HEMK1: variants seen among roughly 807,000 people sequenced by gnomAD.
HEMK1 encodes HemK methyltransferase 1, mitochondrial release factors N(5)-glutamine.
Under a neutral mutation model 47.9 loss-of-function variants are expected in HEMK1, and 36 were observed. The observed-to-expected ratio is 0.75, with a 90% CI of 0.58 to 0.99. The LOEUF (loss-of-function observed/expected upper bound fraction) is 0.99, where lower values mean the gene tolerates loss of function less well. Among genes scored for constraint, HEMK1 ranks in the 50% least tolerant of loss-of-function variants. The pLI is 0.00. For missense variants in HEMK1, 383 were observed against 434.5 expected, an observed-to-expected ratio of 0.88 and a Z score of 1.05; for synonymous variants, 153 against 165.4, an observed-to-expected ratio of 0.93 and a Z score of 0.57.
chr3:50,573,301 T>C (rs1701222742), intron 4 of HEMK1, among the ~76,000 whole-genome samples: 1 of 152,212 alleles, frequency 6.6e-6, no homozygotes, highest in South Asian at 2.1e-4. Flanking sequence ...GGGATTGGCA[T>C]GACCTAGGAC....
At chr3:50,579,021 G>A (rs1254413982) in intron 8 of HEMK1, 95 bp downstream of exon 8, 1 of 907,760 alleles carries the variant, frequency 1.1e-6, no homozygotes, top group Non-Finnish European at 1.7e-6. Context: ...GGACAGGGGA[G>A]TTGGTGCTGA....
chr3:50,584,133 C>T lies in HEMK1; in HGVS notation c.*3716C>T, dbSNP rs753847907. On this transcript the variant is annotated 3_prime_UTR_variant, in exon 11 of 11. Transcript: ENST00000232854. ...AAGACTCAAGTGCACCTGATCCCTG[C>T]GCAACAGCCACACCAGGAGAACAGG... The T allele has an allele frequency of 1.6e-4, 24 of 152,308 alleles. No individual in the cohort carries two copies. The highest frequency in any genetic ancestry group is 2.8e-4 in the Non-Finnish European group (19 of 68,030). The allele number at this position is 152,308 out of a possible 1,614,324, so 9.4% of individuals were successfully genotyped here.
chr3:50,577,993 AACAC>A, intron 7 of HEMK1, 118 bp downstream of exon 7: 1 of 889,066 alleles, frequency 1.1e-6, no homozygotes, highest in Non-Finnish European at 1.9e-6. Context: ...AGCCACACAC[AACAC>A]ACACACATAC....
intron 3 of HEMK1, 139 bp downstream of exon 3, chr3:50,571,940 G>A (rs565600524): frequency 3.5e-4 from 447 of 1,281,964 alleles, no homozygotes; most frequent in Non-Finnish European, 4.6e-4. Context: ...CAAGAGTGGG[G>A]CCGGGGTACT....
chr3:50,580,343 GC>G (rs760271263), intron 10 of HEMK1, 37 bp from the exon 11 acceptor site: 55 of 1,613,630 alleles, frequency 3.4e-5, no homozygotes, highest in Non-Finnish European at 4.3e-5. Flanking sequence ...ATTCCCTGAG[GC>G]CCAGGTGGTA....
At position 50,570,955 on chromosome 3, in the gene HEMK1, AC is replaced by A. The variant is rs1310447785; in HGVS notation, c.-148del. ...GGGTGGCAACCAACTATATCTGAGG[AC>A]CAGAGCCATTTTGGGGCACCAGAGC... On this transcript the variant is annotated 5_prime_UTR_variant, in exon 2 of 11. Transcript: ENST00000232854. 1.8e-6 allele frequency: 1 copy of A among 559,656 alleles called. No homozygotes were observed. Among genetic ancestry groups the A allele is most frequent in the Non-Finnish European group, 3.1e-6 (1 of 322,474 alleles). The allele number at this position is 559,656 out of a possible 1,614,324, so 34.7% of individuals were successfully genotyped here. A position where few individuals can be genotyped will look rare whatever the true frequency, so the allele number is the denominator to read the frequency against.
Position 50,591,412 on chromosome 3 carries a change from C to G in HEMK1, c.*10995C>G, listed in dbSNP as rs1421541526. The G allele has an allele frequency of 3.9e-5, 6 of 152,298 alleles. No homozygotes were observed. 9.4% of individuals were successfully genotyped at this position (152,298 alleles called of 1,614,324 possible). Reference sequence around the variant, plus strand: ...GATTTTTCTGGTCAGCAGTGGGGAGCCGTGGGAGGCATTAGGCTCTGGGGA... The same window carrying G: ...GATTTTTCTGGTCAGCAGTGGGGAGGCGTGGGAGGCATTAGGCTCTGGGGA... On this transcript the variant is annotated 3_prime_UTR_variant, in exon 11 of 11. Transcript: ENST00000232854.
intron 4 of HEMK1, among the ~76,000 whole-genome samples, chr3:50,572,622 T>C (rs1339996861): frequency 1.3e-5 from 2 of 152,214 alleles, no homozygotes; most frequent in Non-Finnish European, 2.9e-5. Context: ...GTATCAGCTG[T>C]GCAACCTTGG....
rs1700909247 is a variant in HEMK1 at position 50,571,178 on chromosome 3, C to A, written c.74C>A (p.Ala25Asp). ...AGGAGGGGAAGTACCCGGGGCTGGG[C>A]CTTCAGCTCATGGCAACCCCAACCA... ...PGRRGSTRGW[A>D]FSSWQPQPPL... The change falls in exon 2 of 11, where the codon GCC becomes GAC. Residue 25 changes from alanine (A) to aspartate (D), a missense_variant. Ala to Asp is a moderately radical substitution (Grantham distance 126). Transcript: ENST00000232854. 1 of 1,613,660 alleles carries A rather than the reference C, an allele frequency of 6.2e-7. No individual in the cohort carries two copies. The highest frequency in any genetic ancestry group is 2.2e-5 in the East Asian group (1 of 44,862).
At chr3:50,572,239 A>T (rs758196853) in intron 4 of HEMK1, 31 bp downstream of exon 4, 1 of 1,568,086 alleles carries the variant, frequency 6.4e-7, no homozygotes, top group South Asian at 1.1e-5. Flanking sequence ...AGGCAGGATC[A>T]GGATGATGGT....
intron 8 of HEMK1, 91 bp downstream of exon 8, chr3:50,579,017 G>A: frequency 2.1e-6 from 2 of 936,614 alleles, no homozygotes; most frequent in Non-Finnish European, 3.3e-6. Flanking sequence ...GGAGGGACAG[G>A]GGAGTTGGTG....
rs1372242387 is a variant in HEMK1, at chr3:50,595,342, T to G, written c.*14925T>G. On this transcript the variant is annotated 3_prime_UTR_variant, in exon 11 of 11. Coordinates refer to ENST00000232854, the MANE Select transcript of HEMK1 (RefSeq NM_016173.5). The stretch of plus-strand genomic sequence containing the variant: ...AGTAGACAGAGTAAAAGCATTTTCT[T>G]GCACCACTTCCCTGAACCGCAGTTC... 1 of 152,208 alleles carries G rather than the reference T, an allele frequency of 6.6e-6. No individual in the cohort carries two copies. Among genetic ancestry groups the G allele is most frequent in the Non-Finnish European group, 1.5e-5 (1 of 68,036 alleles). The allele number at this position is 152,208 out of a possible 1,614,324, so 9.4% of individuals were successfully genotyped here.
intron 5 of HEMK1, 85 bp downstream of exon 5, chr3:50,577,271 G>A: frequency 6.7e-7 from 1 of 1,481,876 alleles, no homozygotes; most frequent in South Asian, 1.2e-5. Flanking sequence ...CCCTCTGCTA[G>A]GAGCGCTTGA....
At position 50,583,059 on chromosome 3, in the gene HEMK1, G is replaced by A. The variant is rs2031000756; in HGVS notation, c.*2642G>A. 6.6e-6 allele frequency: 1 copy of A among 152,466 alleles called. No homozygotes were observed. The highest frequency in any genetic ancestry group is 1.5e-5 in the Non-Finnish European group (1 of 68,212). The allele number at this position is 152,466 out of a possible 1,614,324, so 9.4% of individuals were successfully genotyped here. On this transcript the variant is annotated 3_prime_UTR_variant, in exon 11 of 11. Transcript: ENST00000232854. ...GAGTCCAGGCTGTGCAAGCCCCTGA[G>A]GTCTTGAGAGATGTGCCCACTGCCC...
In HEMK1 at chr3:50,586,604, G is replaced by C. The variant is rs1429458249; in HGVS notation, c.*6187G>C. 1 of 152,350 alleles carries C rather than the reference G, an allele frequency of 6.6e-6. No individual in the cohort carries two copies. The highest frequency in any genetic ancestry group is 2.4e-5 in the African/African-American group (1 of 41,448). 9.4% of individuals were successfully genotyped at this position (152,350 alleles called of 1,614,324 possible). ...CCCTCTTCTGGGGCATGTGGCTGGG[G>C]AAATGGTGGGATCAGATATCCCCTA... On this transcript the variant is annotated 3_prime_UTR_variant, in exon 11 of 11. Transcript: ENST00000232854.
chr3:50,571,917 G>A, intron 3 of HEMK1, 116 bp downstream of exon 3: 3 of 1,323,800 alleles, frequency 2.3e-6, no homozygotes, highest in Non-Finnish European at 3.2e-6. Context: ...GAGGTGTTGG[G>A]GTGCAGGAGT....
rs1456829051 is a variant in HEMK1 at position 50,571,791 on chromosome 3, C to T, written c.310C>T (p.Arg104Ter). The change falls in exon 3 of 11, where the codon CGA becomes TGA. Residue 104 changes from arginine (R) to a stop codon, truncating the protein, a stop_gained. Coordinates refer to ENST00000232854, the MANE Select transcript of HEMK1 (RefSeq NM_016173.5). LOFTEE classifies it high-confidence loss of function. ...GTGTATCCGGGAGCTGAGTAGCCGT[C>T]GATTGCAGAGGTGAGCACCCATGGA... is the stretch of plus-strand genomic sequence containing the variant. ...LQCIRELSSR[R>*]LQRMPVQYIL... The T allele has an allele frequency of 6.8e-6, 11 of 1,613,836 alleles. No individual in the cohort carries two copies. Among genetic ancestry groups the T allele is most frequent in the South Asian group, 5.5e-5 (5 of 91,080 alleles).
chr3:50,570,491 C>T (rs1238244538), intron 1 of HEMK1: 2 of 152,268 alleles, frequency 1.3e-5, no homozygotes, highest in African/African-American at 4.8e-5. Flanking sequence ...CAGTTAAGAT[C>T]ATGTAACATC....
chr3:50,590,146 C>A lies in HEMK1; in HGVS notation c.*9729C>A, dbSNP rs1185539165. On this transcript the variant is annotated 3_prime_UTR_variant, in exon 11 of 11. Transcript: ENST00000232854. ...ATTGCAGTGAGCCAAGATCATGCCA[C>A]TGCACTCCAGCCTGGGCGACAGAGC... is the stretch of plus-strand genomic sequence containing the variant. 1 of 151,176 alleles carries A rather than the reference C, an allele frequency of 6.6e-6. No individual in the cohort carries two copies. The highest frequency in any genetic ancestry group is 1.5e-5 in the Non-Finnish European group (1 of 67,898). 9.4% of individuals were successfully genotyped at this position (151,176 alleles called of 1,614,324 possible). A position where few individuals can be genotyped will look rare whatever the true frequency, so the allele number is the denominator to read the frequency against.
Sources: gnomAD v4.1 joint callset for allele counts (sites outside exome capture counted in the v4.1 genomes callset) on GRCh38, gnomAD v4.1.1 for gene constraint, MANE v1.5 for transcripts, NCBI Gene and HGNC (gene_info 2026-07-23, HGNC 2026-07-21) for gene names.